Variants in ACYP2 observed in about 807,000 individuals in gnomAD.
The protein encoded by ACYP2 is acylphosphatase 2.
Under a neutral mutation model 11.2 loss-of-function variants are expected in ACYP2, and 12 were observed. That is an observed-to-expected ratio of 1.08 (90% CI 0.69 to 1.74). The LOEUF is 1.74. ACYP2 is among the 40% of genes most tolerant of loss of function. The pLI is 0.00. For synonymous variants in ACYP2, 43 were observed against 32.2 expected (o/e 1.33, Z -1.13); for missense variants, 134 against 101.9 (o/e 1.31, Z -1.35).
intron 2 of ACYP2, among the ~76,000 whole-genome samples, chr2:54,019,290 T>G (rs751120501): frequency 2.0e-5 from 3 of 152,084 alleles, no homozygotes; most frequent in African/African-American, 4.8e-5. Flanking sequence ...CAGGCTGGTC[T>G]TGAGCTGCTA....
chr2:54,093,447 T>C (rs1341343896), intron 4 of ACYP2, among the ~76,000 whole-genome samples: 1 of 152,244 alleles, frequency 6.6e-6, no homozygotes, highest in Non-Finnish European at 1.5e-5. Flanking sequence ...GACTCAAATC[T>C]AATTTTAACA....
rs115173395 is a variant in ACYP2 at position 54,135,116 on chromosome 2, A to C, written c.278-337A>C. Among the ~76,000 whole-genome samples the C allele has an allele frequency of 2.6e-3, 392 of 152,332 alleles. 1 individual carries two copies. The highest frequency in any genetic ancestry group is 8.9e-3 in the African/African-American group (372 of 41,578). On this transcript the variant is annotated intron_variant, in intron 4 of 6. Transcript: ENST00000607452. ...CATTAAGTAAAATAAGGGTTACTCGAACACAAGCACTGCAGTACCACCAAG... is the reference window on the plus strand; with the variant it reads ...CATTAAGTAAAATAAGGGTTACTCGCACACAAGCACTGCAGTACCACCAAG...
Position 54,250,535 on chromosome 2 carries a change from A to G in ACYP2, c.405-54153A>G, listed in dbSNP as rs555646255. Among the ~76,000 whole-genome samples the G allele has an allele frequency of 2.0e-5, 3 of 152,312 alleles. No individual in the cohort carries two copies. The East Asian group carries it at 5.8e-4, about 29-fold the overall frequency. ...ATGTTGATAGCTACCAATAGCAAAG[A>G]GAAAATTGTGCCACTGGAAAACAGG... is the stretch of plus-strand genomic sequence containing the variant. On this transcript the variant is annotated intron_variant, in intron 6 of 6. Coordinates refer to ENST00000607452, the MANE Select transcript of ACYP2 (RefSeq NM_001320586.2).
At chr2:54,087,222 G>T (rs1020522626) in intron 4 of ACYP2, among the ~76,000 whole-genome samples, 1 of 152,224 alleles carries the variant, frequency 6.6e-6, no homozygotes, top group African/African-American at 2.4e-5. Flanking sequence ...GTTTGCATTA[G>T]GGAAACACAC....
At chr2:54,165,657 A>G (rs181601269) in intron 6 of ACYP2, among the ~76,000 whole-genome samples, 1 of 152,082 alleles carries the variant, frequency 6.6e-6, no homozygotes, top group African/African-American at 2.4e-5. Context: ...CATCCATGTT[A>G]AGATGGTTCA....
At chr2:54,303,083 TG>T (rs1664982706) in intron 6 of ACYP2, among the ~76,000 whole-genome samples, 1 of 152,190 alleles carries the variant, frequency 6.6e-6, no homozygotes, top group African/African-American at 2.4e-5. Context: ...TGGCCAGTCA[TG>T]GTGGCTCACA....
In ACYP2 at chr2:54,035,009, C is replaced by CAAAAAAAAAAAA. The variant is rs550142135; in HGVS notation, c.63-15937_63-15926dup. Among the ~76,000 whole-genome samples the CAAAAAAAAAAAA allele has an allele frequency of 6.0e-4, 27 of 44,780 alleles. 1 individual carries two copies. The highest frequency in any genetic ancestry group is 1.1e-3 in the Non-Finnish European group (21 of 18,950). The allele number at this position is 44,780 out of a possible 152,430, so 29.4% of individuals were successfully genotyped here. Reference sequence around the variant, plus strand: ...CAGGCGACAGTGCGAGACTACATCTCAAAAAAAAAAAAAAAAAAAAAAAGC... The same window carrying CAAAAAAAAAAAA: ...CAGGCGACAGTGCGAGACTACATCTCAAAAAAAAAAAAAAAAAAAAAAAAAAAAAAAAAAAGC... On this transcript the variant is annotated intron_variant, in intron 2 of 6. Transcript: ENST00000607452.
At chr2:54,229,378 C>T (rs1248498270) in intron 6 of ACYP2, among the ~76,000 whole-genome samples, 1 of 152,096 alleles carries the variant, frequency 6.6e-6, no homozygotes, top group African/African-American at 2.4e-5. Context: ...ATGTAATATA[C>T]TGATTGCAGA....
In ACYP2 at chr2:54,090,934, G is replaced by T. The variant is rs574473388; in HGVS notation, c.277+33574G>T. On this transcript the variant is annotated intron_variant, in intron 4 of 6. Transcript: ENST00000607452. Reference sequence around the variant, plus strand: ...TTTACCATCTACATGTTGGTGCTTTGAGGGTAGGAATTCTACACTAGACAT... The same window carrying T: ...TTTACCATCTACATGTTGGTGCTTTTAGGGTAGGAATTCTACACTAGACAT... 2.0e-5 allele frequency among the ~76,000 whole-genome samples: 3 copies of T among 152,288 alleles called. No individual in the cohort carries two copies. In the South Asian group the frequency reaches 6.2e-4, roughly 32 times the overall value.
Position 54,115,905 on chromosome 2 carries a change from G to T in ACYP2, c.278-19548G>T, listed in dbSNP as rs116827186. On this transcript the variant is annotated intron_variant, in intron 4 of 6. Coordinates refer to ENST00000607452, the MANE Select transcript of ACYP2 (RefSeq NM_001320586.2). ...TGACACAGCAGCGGCGGCGGGGAGG[G>T]AGGCGAAACGCGCATGCGCCCGAGG... The T allele has an allele frequency of 3.8e-6, 4 of 1,049,136 alleles. No individual in the cohort carries two copies. The African/African-American group carries it at 9.3e-5, about 25-fold the overall frequency. 65.0% of individuals were successfully genotyped at this position (1,049,136 alleles called of 1,614,324 possible).
At chr2:54,001,833 G>A (rs939159216) in intron 2 of ACYP2, among the ~76,000 whole-genome samples, 10 of 152,302 alleles carry the variant, frequency 6.6e-5, no homozygotes, top group Admixed American at 6.5e-4. Flanking sequence ...TGTTGCTGTT[G>A]TTTTCAATAG....
intron 6 of ACYP2, chr2:54,254,547 C>G (rs1687391598): frequency 4.9e-6 from 1 of 204,738 alleles, no homozygotes; most frequent in East Asian, 1.2e-4. Context: ...GCAGGGTGAG[C>G]TGAATAGGTT....
chr2:54,291,013 G>A (rs1689281865), intron 6 of ACYP2, among the ~76,000 whole-genome samples: 1 of 152,244 alleles, frequency 6.6e-6, no homozygotes, highest in East Asian at 1.9e-4. Flanking sequence ...CTAGAAAGAT[G>A]ATCTATTCTT....
intron 4 of ACYP2, among the ~76,000 whole-genome samples, chr2:54,116,267 G>A (rs1375015029): frequency 2.6e-5 from 4 of 152,114 alleles, no homozygotes; most frequent in African/African-American, 9.7e-5. Flanking sequence ...AGTTTAAGTA[G>A]TTGCCAAGTT....
At chr2:54,272,646 A>C (rs1294085606) in intron 6 of ACYP2, among the ~76,000 whole-genome samples, 1 of 152,244 alleles carries the variant, frequency 6.6e-6, no homozygotes, top group African/African-American at 2.4e-5. Context: ...AATGTAAGTC[A>C]GATAAGATGA....
At chr2:54,092,990 C>A (rs78822786) in intron 4 of ACYP2, among the ~76,000 whole-genome samples, 4,023 of 152,302 alleles carry the variant, frequency 0.026, 161 homozygotes, top group African/African-American at 0.087. Flanking sequence ...TCAGAGTAGA[C>A]AACTCTGAAG....
intron 2 of ACYP2, among the ~76,000 whole-genome samples, chr2:53,980,600 C>G (rs950303686): frequency 3.9e-5 from 6 of 151,932 alleles, no homozygotes; most frequent in African/African-American, 1.5e-4. Flanking sequence ...TTTAGTGTAG[C>G]CTAAGCATAC....
At chr2:54,166,664 T>C (rs1473952280) in intron 6 of ACYP2, among the ~76,000 whole-genome samples, 1 of 152,206 alleles carries the variant, frequency 6.6e-6, no homozygotes, top group Non-Finnish European at 1.5e-5. Context: ...AGTCAAGTGC[T>C]TGAGTTCGAT....
At chr2:54,036,066 C>A (rs1485002325) in intron 2 of ACYP2, among the ~76,000 whole-genome samples, 1 of 152,144 alleles carries the variant, frequency 6.6e-6, no homozygotes, top group African/African-American at 2.4e-5. Context: ...GAAAGAAAGT[C>A]TTAACCTTTA....
Sources: allele counts gnomAD v4.1 joint callset (sites outside exome capture counted in the v4.1 genomes callset), GRCh38; gene constraint gnomAD v4.1.1; transcripts MANE v1.5; gene names NCBI Gene and HGNC (gene_info 2026-07-23, HGNC 2026-07-21).